PPME1: variants seen among roughly 807,000 people sequenced by gnomAD.
PPME1 encodes protein phosphatase methylesterase 1.
In PPME1, 17 loss-of-function variants were observed where a neutral mutation model predicts 56.9. The ratio of observed to expected loss-of-function variants is 0.30; its 90% CI spans 0.20 to 0.45. PPME1 has a LOEUF of 0.45. Ranked by LOEUF, PPME1 falls within the 20% of genes least tolerant of loss-of-function variation. The pLI, the probability that PPME1 is intolerant of heterozygous loss-of-function variation, is 1.00. For missense variants in PPME1, 357 were observed against 483.2 expected (o/e 0.74, Z 2.45); for synonymous variants, 122 against 156.2 (o/e 0.78, Z 1.63).
chr11:74,203,677 A>T, intron 1 of PPME1, 51 bp from the exon 2 acceptor site: 2 of 1,391,492 alleles, frequency 1.4e-6, no homozygotes, highest in Non-Finnish European at 2.0e-6. Flanking sequence ...CCAAGATTTT[A>T]TCTCTTTATG....
At chr11:74,182,368 T>C (rs1857563824) in intron 1 of PPME1, among the ~76,000 whole-genome samples, 1 of 152,006 alleles carries the variant, frequency 6.6e-6, no homozygotes, top group South Asian at 2.1e-4. Context: ...ATAATGTCTT[T>C]TTTTTTTTGA....
rs746643845 is a variant in PPME1, at chr11:74,230,956, G to A, written c.598G>A (p.Gly200Ser). ...TAATAGCATGCAGAATTTCTTACGG[G>A]GTCGTCCTAAAACCTTCAAGTCTCT... ...ALNSMQNFLR[G>S]RPKTFKSLEN... The change falls in exon 7 of 14, where the codon GGT becomes AGT. Residue 200 changes from glycine (G) to serine (S), a missense_variant. Physicochemically the swap from Gly to Ser is moderately conservative, Grantham distance 56. Around this residue, in one of 2 missense-constraint regions of PPME1, gnomAD observed 182 missense variants for 293.8 expected, o/e 0.62. Transcript: ENST00000328257. The surrounding 1 kb of genome is among the most constrained non-coding windows in gnomAD (Gnocchi z 4.9). The A allele has an allele frequency of 2.5e-6, 4 of 1,605,236 alleles. No homozygotes were observed. Among genetic ancestry groups the A allele is most frequent in the Non-Finnish European group, 3.4e-6 (4 of 1,175,836 alleles).
chr11:74,246,020 T>C lies in PPME1; in HGVS notation c.835-56T>C, dbSNP rs779016097. 16 of 1,538,076 alleles carry C rather than the reference T, an allele frequency of 1.0e-5. No individual in the cohort carries two copies. The South Asian group carries it at 2.0e-4, about 19-fold the overall frequency. ...CTTTTCCCAGGGATCTAGTTTTTAA[T>C]CCTGTTCCTCCAGGGGTTGCCCTCG... On this transcript the variant is annotated intron_variant, in intron 9 of 13. Coordinates refer to ENST00000328257, the MANE Select transcript of PPME1 (RefSeq NM_016147.3).
At chr11:74,186,632 T>C (rs773599825) in intron 1 of PPME1, among the ~76,000 whole-genome samples, 1 of 152,150 alleles carries the variant, frequency 6.6e-6, no homozygotes, top group African/African-American at 2.4e-5. Flanking sequence ...CATTAAGTTA[T>C]AGTAATTTGG....
intron 1 of PPME1, among the ~76,000 whole-genome samples, chr11:74,187,183 A>G (rs1298654021): frequency 6.6e-6 from 1 of 152,214 alleles, no homozygotes; most frequent in African/African-American, 2.4e-5. Context: ...ATCAGGAAGT[A>G]TAATGTTTCC....
In PPME1 at chr11:74,254,453, C is replaced by T. The variant is rs1334001674; in HGVS notation, c.*943C>T. ...GCCTGGCATCCCCAGTCTTTGCCTT[C>T]TTCCAGCTGCCTCGACACAGCACTG... On this transcript the variant is annotated 3_prime_UTR_variant, in exon 14 of 14. Transcript: ENST00000328257. 1 of 152,900 alleles carries T rather than the reference C, an allele frequency of 6.5e-6. No homozygotes were observed. The highest frequency in any genetic ancestry group is 1.5e-5 in the Non-Finnish European group (1 of 68,182). The allele number at this position is 152,900 out of a possible 1,614,324, so 9.5% of individuals were successfully genotyped here.
intron 3 of PPME1, among the ~76,000 whole-genome samples, chr11:74,220,244 T>G (rs1266425106): frequency 6.6e-6 from 1 of 152,184 alleles, no homozygotes; most frequent in African/African-American, 2.4e-5. Context: ...GAAGATAATA[T>G]GAGATTATCT....
At chr11:74,220,069 A>G (rs968098540) in intron 3 of PPME1, among the ~76,000 whole-genome samples, 4 of 152,274 alleles carry the variant, frequency 2.6e-5, no homozygotes, top group Admixed American at 2.0e-4. Context: ...TTAAAAAACA[A>G]TACCATTTTT....
chr11:74,236,156 C>T (rs114614932), intron 8 of PPME1, among the ~76,000 whole-genome samples, 190 bp downstream of exon 8: 22 of 152,298 alleles, frequency 1.4e-4, no homozygotes, highest in African/African-American at 5.3e-4. Flanking sequence ...TTCTCTCCTT[C>T]CTTTCCTTCC....
At chr11:74,183,970 G>A (rs1184957242) in intron 1 of PPME1, among the ~76,000 whole-genome samples, 1 of 152,168 alleles carries the variant, frequency 6.6e-6, no homozygotes, top group Non-Finnish European at 1.5e-5. Context: ...AAGTAAATGG[G>A]AGGGAGGAGC....
At chr11:74,181,059 A>T (rs1280919438) in intron 1 of PPME1, among the ~76,000 whole-genome samples, 29 of 110,560 alleles carry the variant, frequency 2.6e-4, no homozygotes, top group African/African-American at 1.0e-3. Context: ...TTTTTTTGAG[A>T]CGGAGTCTCG....
At chr11:74,207,712 G>A (rs1197182048) in intron 3 of PPME1, among the ~76,000 whole-genome samples, 1 of 152,168 alleles carries the variant, frequency 6.6e-6, no homozygotes, top group Non-Finnish European at 1.5e-5. Flanking sequence ...TAGCTGCTGT[G>A]GGAGAATCCA....
At chr11:74,244,337 A>C (rs1227293215) in intron 9 of PPME1, among the ~76,000 whole-genome samples, 1 of 152,120 alleles carries the variant, frequency 6.6e-6, no homozygotes, top group African/African-American at 2.4e-5. Context: ...TATTTTGAGG[A>C]ACTGCCTTGA....
At chr11:74,226,428 C>G (rs964707568) in intron 5 of PPME1, among the ~76,000 whole-genome samples, 1 of 152,154 alleles carries the variant, frequency 6.6e-6, no homozygotes, top group East Asian at 1.9e-4. Context: ...TGTCATTCCA[C>G]TCAATGAACA....
intron 3 of PPME1, chr11:74,204,977 T>C (rs1858288922): frequency 6.6e-6 from 1 of 152,588 alleles, no homozygotes. Context: ...AACTCTGTTT[T>C]AATGGGATAT....
chr11:74,235,746 GGT>G lies in PPME1; in HGVS notation c.645-153_645-152del. The G allele has an allele frequency of 5.9e-6, 7 of 1,186,498 alleles. No individual in the cohort carries two copies. In the South Asian group the frequency reaches 1.2e-4, roughly 20 times the overall value. The allele number at this position is 1,186,498 out of a possible 1,614,324, so 73.5% of individuals were successfully genotyped here. A position where few individuals can be genotyped will look rare whatever the true frequency, so the allele number is the denominator to read the frequency against. Reference sequence around the variant, plus strand: ...TTTTACTTATAAAACCATGTAGCCAGGTGAGTAATAGTGGCAATCTCTATAGT... The same window carrying G: ...TTTTACTTATAAAACCATGTAGCCAGGAGTAATAGTGGCAATCTCTATAGT... On this transcript the variant is annotated intron_variant, in intron 7 of 13. Transcript: ENST00000328257.
intron 9 of PPME1, among the ~76,000 whole-genome samples, chr11:74,239,752 T>C (rs1859303468): frequency 6.6e-6 from 1 of 151,380 alleles, no homozygotes; most frequent in South Asian, 2.1e-4. Flanking sequence ...AATTTTTTTT[T>C]GTTATTTTTA....
At chr11:74,183,203 G>A (rs1220212562) in intron 1 of PPME1, among the ~76,000 whole-genome samples, 1 of 152,122 alleles carries the variant, frequency 6.6e-6, no homozygotes, top group African/African-American at 2.4e-5. Flanking sequence ...AGGCTGAGGT[G>A]GGAGGATGAA....
intron 1 of PPME1, 35 bp downstream of exon 1, chr11:74,171,557 G>C: frequency 6.4e-7 from 1 of 1,568,000 alleles, no homozygotes; most frequent in South Asian, 1.2e-5. Context: ...CTATGGGCCA[G>C]GCCCCAGCCG....
Sources: gnomAD v4.1 joint callset for allele counts (sites outside exome capture counted in the v4.1 genomes callset) on GRCh38, gnomAD v4.1.1 for gene constraint, gnomAD v4.1.1 regional missense constraint, Gnocchi (gnomAD v3.1) non-coding constraint, MANE v1.5 for transcripts, NCBI Gene and HGNC (gene_info 2026-07-23, HGNC 2026-07-21) for gene names.